The following PRTFDC1 variants were observed in gnomAD, a reference collection of about 807,000 sequenced individuals.
The protein encoded by PRTFDC1 is phosphoribosyltransferase domain-containing protein 1.
Under a neutral mutation model 34.6 loss-of-function variants are expected in PRTFDC1, and 38 were observed. The ratio of observed to expected loss-of-function variants is 1.10; its 90% CI spans 0.85 to 1.44. The LOEUF is 1.44. Among genes scored for constraint, PRTFDC1 ranks in the 40% most tolerant of loss-of-function variants. PRTFDC1 has a pLI of 0.00. For missense variants in PRTFDC1, 270 were observed against 283.0 expected (o/e 0.95, Z 0.33); for synonymous variants, 93 against 98.1 (o/e 0.95, Z 0.31).
At chr10:24,915,365 A>G (rs1005295532) in intron 3 of PRTFDC1, among the ~76,000 whole-genome samples, 1 of 152,176 alleles carries the variant, frequency 6.6e-6, no homozygotes, top group African/African-American at 2.4e-5. Flanking sequence ...ACAGCTCCAA[A>G]AGGCATAACT....
intron 3 of PRTFDC1, among the ~76,000 whole-genome samples, chr10:24,875,974 G>C (rs1847956176): frequency 1.3e-5 from 2 of 151,130 alleles, no homozygotes; most frequent in Non-Finnish European, 2.9e-5. Context: ...TCCTGCCTTG[G>C]CTTCCCAAAG....
At chr10:24,874,224 G>A (rs1847923833) in intron 3 of PRTFDC1, among the ~76,000 whole-genome samples, 1 of 151,982 alleles carries the variant, frequency 6.6e-6, no homozygotes, top group Non-Finnish European at 1.5e-5. Flanking sequence ...TTCTTCTTAT[G>A]GGAATTGATG....
At chr10:24,906,474 A>C (rs1046021034) in intron 3 of PRTFDC1, among the ~76,000 whole-genome samples, 2 of 152,062 alleles carry the variant, frequency 1.3e-5, no homozygotes, top group African/African-American at 2.4e-5. Flanking sequence ...ACACACACCC[A>C]CACACACACA....
At chr10:24,897,394 C>T (rs891205053) in intron 3 of PRTFDC1, among the ~76,000 whole-genome samples, 5 of 152,140 alleles carry the variant, frequency 3.3e-5, no homozygotes, top group African/African-American at 1.2e-4. Flanking sequence ...ACCTGCTGTC[C>T]TCTTTTAGGA....
chr10:24,931,949 T>C (rs2132599940), intron 3 of PRTFDC1, among the ~76,000 whole-genome samples: 1 of 150,896 alleles, frequency 6.6e-6, no homozygotes, highest in East Asian at 1.9e-4. Context: ...TTTAATATCC[T>C]CCAAGCACTT....
chr10:24,863,305 A>G (rs1258220870), intron 4 of PRTFDC1, among the ~76,000 whole-genome samples: 3 of 152,218 alleles, frequency 2.0e-5, no homozygotes, highest in African/African-American at 4.8e-5. Context: ...TGTTCTATAA[A>G]TGGAGCAGCA....
At chr10:24,917,165 A>G (rs1160957000) in intron 3 of PRTFDC1, among the ~76,000 whole-genome samples, 4 of 152,212 alleles carry the variant, frequency 2.6e-5, no homozygotes, top group Non-Finnish European at 5.9e-5. Context: ...ATTTCCTCCC[A>G]TAATCTACTT....
intron 1 of PRTFDC1, among the ~76,000 whole-genome samples, chr10:24,946,094 C>A (rs1333250051): frequency 6.6e-6 from 1 of 152,136 alleles, no homozygotes; most frequent in East Asian, 1.9e-4. Context: ...GGAGCTCCTC[C>A]ACCAGTGGCA....
chr10:24,940,027 T>C (rs1849128697), intron 2 of PRTFDC1, among the ~76,000 whole-genome samples: 1 of 152,110 alleles, frequency 6.6e-6, no homozygotes, highest in Non-Finnish European at 1.5e-5. Flanking sequence ...TAACAATTCC[T>C]AATATATATG....
At chr10:24,903,582 G>A (rs1302700975) in intron 3 of PRTFDC1, among the ~76,000 whole-genome samples, 3 of 152,194 alleles carry the variant, frequency 2.0e-5, no homozygotes, top group Non-Finnish European at 4.4e-5. Flanking sequence ...CGAAGTCCCA[G>A]AGAGTACTGA....
rs553159809 is a variant in PRTFDC1, at chr10:24,892,954, GAGAA to G, written c.340-20895_340-20892del. On this transcript the variant is annotated intron_variant, in intron 3 of 8. Coordinates refer to ENST00000320152, the MANE Select transcript of PRTFDC1 (RefSeq NM_020200.7). The stretch of plus-strand genomic sequence containing the variant: ...TTTATATTTGGCTGAGGAGTATGGG[GAGAA>G]AGAGTTTCTAAGATCTCTTAAAACC... 1.7e-3 allele frequency among the ~76,000 whole-genome samples: 259 copies of G among 152,272 alleles called. 1 individual carries two copies. Among genetic ancestry groups the G allele is most frequent in the Middle Eastern group, 0.01 (3 of 294 alleles).
chr10:24,877,946 T>G (rs191760736), intron 3 of PRTFDC1, among the ~76,000 whole-genome samples: 4 of 151,678 alleles, frequency 2.6e-5, no homozygotes, highest in Non-Finnish European at 5.9e-5. Flanking sequence ...TGATCTCCAA[T>G]TTGCAAATGA....
chr10:24,897,200 T>A (rs573325858), intron 3 of PRTFDC1, among the ~76,000 whole-genome samples: 12 of 149,492 alleles, frequency 8.0e-5, no homozygotes, highest in African/African-American at 2.2e-4. Context: ...AGCAAGAATC[T>A]GTTTCAAAAA....
chr10:24,894,031 T>C (rs530838268), intron 3 of PRTFDC1, among the ~76,000 whole-genome samples: 1 of 152,110 alleles, frequency 6.6e-6, no homozygotes, highest in South Asian at 2.1e-4. Flanking sequence ...TCAAAGGAAG[T>C]GTGAAAATAG....
intron 3 of PRTFDC1, among the ~76,000 whole-genome samples, chr10:24,918,823 A>G (rs1288876810): frequency 6.6e-6 from 1 of 152,214 alleles, no homozygotes; most frequent in East Asian, 1.9e-4. Flanking sequence ...TTTACAAATG[A>G]ACAAAGGAAA....
At chr10:24,858,323 G>C (rs1847617350) in intron 5 of PRTFDC1, 69 bp downstream of exon 5, 2 of 1,537,114 alleles carry the variant, frequency 1.3e-6, no homozygotes, top group South Asian at 2.3e-5. Context: ...TGATAACAAG[G>C]TTTACCGTTT....
chr10:24,863,982 T>C (rs1292550013), intron 4 of PRTFDC1, among the ~76,000 whole-genome samples: 1 of 136,366 alleles, frequency 7.3e-6, no homozygotes, highest in Non-Finnish European at 1.5e-5. Flanking sequence ...ACTATGCCAC[T>C]GCACACCAGC....
chr10:24,906,439 A>G (rs796418452), intron 3 of PRTFDC1, among the ~76,000 whole-genome samples: 3 of 152,298 alleles, frequency 2.0e-5, no homozygotes, highest in Non-Finnish European at 2.9e-5. Context: ...TTACAAAAAC[A>G]TGGTGTCATT....
At chr10:24,881,427 C>T (rs567616541) in intron 3 of PRTFDC1, among the ~76,000 whole-genome samples, 18 of 152,244 alleles carry the variant, frequency 1.2e-4, no homozygotes, top group African/African-American at 3.9e-4. Flanking sequence ...CTTATTGGCT[C>T]TCCCTGGACC....
Sources: allele counts gnomAD v4.1 joint callset (sites outside exome capture counted in the v4.1 genomes callset), GRCh38; gene constraint gnomAD v4.1.1; transcripts MANE v1.5; gene names NCBI Gene and HGNC (gene_info 2026-07-23, HGNC 2026-07-21).